The following GABBR2 variants were observed in gnomAD, a reference collection of about 807,000 sequenced individuals.
GABBR2 encodes the protein G-protein coupled receptor 51.
In GABBR2, 23 loss-of-function variants were observed where a neutral mutation model predicts 105.6. The observed-to-expected ratio is 0.22, with a 90% CI of 0.16 to 0.31. The LOEUF is 0.31. Among genes scored for constraint, GABBR2 ranks in the 10% least tolerant of loss-of-function variants. The pLI, the probability that GABBR2 is intolerant of heterozygous loss-of-function variation, is 1.00. For synonymous variants in GABBR2, 478 were observed against 499.7 expected (o/e 0.96, Z 0.58); for missense variants, 734 against 1,245.5 (o/e 0.59, Z 6.18).
At chr9:98,416,677 G>C (rs996863235) in intron 7 of GABBR2, among the ~76,000 whole-genome samples, 14 of 152,202 alleles carry the variant, frequency 9.2e-5, no homozygotes, top group African/African-American at 3.4e-4. Flanking sequence ...CAGAATACTA[G>C]CTGTGCAGGG....
chr9:98,303,134 A>G (rs1830495502), intron 16 of GABBR2, 107 bp downstream of exon 16: 2 of 821,034 alleles, frequency 2.4e-6, no homozygotes, highest in Admixed American at 5.5e-5. Flanking sequence ...ATGAGACTGC[A>G]CGGTCATGCT....
At chr9:98,294,557 C>A (rs1015788862) in intron 17 of GABBR2, among the ~76,000 whole-genome samples, 1 of 151,696 alleles carries the variant, frequency 6.6e-6, no homozygotes, top group Non-Finnish European at 1.5e-5. Context: ...TGGCTCACTG[C>A]AACTTCCACC....
At chr9:98,624,244 G>A (rs1829704518) in intron 1 of GABBR2, among the ~76,000 whole-genome samples, 4 of 152,242 alleles carry the variant, frequency 2.6e-5, no homozygotes, top group African/African-American at 7.2e-5. Context: ...CACAGGCAGC[G>A]TGCACAGGAA....
At chr9:98,322,229 C>T (rs186673768) in intron 13 of GABBR2, among the ~76,000 whole-genome samples, 126 of 152,264 alleles carry the variant, frequency 8.3e-4, no homozygotes, top group African/African-American at 1.4e-3. Context: ...CTCCCTTAAA[C>T]CTGCTGTTCC....
At chr9:98,388,000 G>A (rs754888958) in intron 10 of GABBR2, among the ~76,000 whole-genome samples, 38 of 152,178 alleles carry the variant, frequency 2.5e-4, no homozygotes, top group Non-Finnish European at 4.7e-4. Context: ...CCATGTAGGT[G>A]GTCACTGTGG....
rs1588163866 is a variant in GABBR2 at position 98,442,971 on chromosome 9, TA to T, written c.1236+11009del. 2.0e-5 allele frequency among the ~76,000 whole-genome samples: 3 copies of T among 152,342 alleles called. No homozygotes were observed. The East Asian group carries it at 5.8e-4, about 29-fold the overall frequency. On this transcript the variant is annotated intron_variant, in intron 7 of 18. Transcript: ENST00000259455. The stretch of plus-strand genomic sequence containing the variant: ...TAACTAATCACATCTGTAACAACCC[TA>T]TTTCCAAATAAGGTCACATTCTGAG...
chr9:98,506,506 C>T (rs543952740), intron 3 of GABBR2, among the ~76,000 whole-genome samples: 7 of 152,248 alleles, frequency 4.6e-5, no homozygotes, highest in South Asian at 2.1e-4. Context: ...GAGGCAACTT[C>T]GCAAGGGCTG....
At chr9:98,497,353 A>C (rs1760595527) in intron 3 of GABBR2, among the ~76,000 whole-genome samples, 3 of 152,188 alleles carry the variant, frequency 2.0e-5, no homozygotes, top group Admixed American at 2.0e-4. Flanking sequence ...CTGATTTTTG[A>C]GGGGAGAAAT....
intron 7 of GABBR2, among the ~76,000 whole-genome samples, chr9:98,411,878 AATCCC>A (rs1212546556): frequency 9.9e-5 from 15 of 152,156 alleles, no homozygotes; most frequent in Non-Finnish European, 1.5e-5. Flanking sequence ...CCGGCTGCAA[AATCCC>A]ATCTGATGTC....
At chr9:98,439,029 C>G (rs1477318244) in intron 7 of GABBR2, among the ~76,000 whole-genome samples, 1 of 152,140 alleles carries the variant, frequency 6.6e-6, no homozygotes, top group African/African-American at 2.4e-5. Flanking sequence ...CCTTGTCATA[C>G]GTGTGCCACC....
At chr9:98,349,060 G>T (rs1434906483) in intron 13 of GABBR2, among the ~76,000 whole-genome samples, 1 of 152,094 alleles carries the variant, frequency 6.6e-6, no homozygotes, top group East Asian at 1.9e-4. Context: ...TTAGCTGTAG[G>T]TTTGTCATAG....
At position 98,436,331 on chromosome 9, in the gene GABBR2, TACAC is replaced by T. The variant is rs371477170; in HGVS notation, c.1236+17646_1236+17649del. ...CATAAATATACCATATATATATATA[TACAC>T]ACACACACACACCATATATATATAT... On this transcript the variant is annotated intron_variant, in intron 7 of 18. Transcript: ENST00000259455. 1.0e-3 allele frequency among the ~76,000 whole-genome samples: 27 copies of T among 26,284 alleles called. 2 individuals are homozygous for T. The highest frequency in any genetic ancestry group is 4.2e-3 in the African/African-American group (23 of 5,448). The allele number at this position is 26,284 out of a possible 152,430, so 17.2% of individuals were successfully genotyped here. A position where few individuals can be genotyped will look rare whatever the true frequency, so the allele number is the denominator to read the frequency against.
intron 2 of GABBR2, among the ~76,000 whole-genome samples, chr9:98,571,715 C>G (rs761814908): frequency 2.0e-5 from 3 of 152,182 alleles, no homozygotes; most frequent in African/African-American, 7.2e-5. Context: ...TCCCCAACAG[C>G]AGGCCTGGCT....
intron 1 of GABBR2, among the ~76,000 whole-genome samples, chr9:98,578,276 C>T (rs974257570): frequency 5.3e-5 from 8 of 152,110 alleles, no homozygotes; most frequent in Admixed American, 1.3e-4. Context: ...TCTCTGCTCC[C>T]GCTAAGTGCC....
intron 13 of GABBR2, among the ~76,000 whole-genome samples, chr9:98,328,865 G>A (rs1202004061): frequency 6.6e-6 from 1 of 152,150 alleles, no homozygotes; most frequent in East Asian, 1.9e-4. Context: ...GGGTATGGTG[G>A]GTAGCAAGGT....
chr9:98,680,968 T>G (rs1564149919), intron 1 of GABBR2, among the ~76,000 whole-genome samples: 1 of 152,168 alleles, frequency 6.6e-6, no homozygotes, highest in African/African-American at 2.4e-5. Context: ...ATTAACATAG[T>G]AAAGAGTTAA....
chr9:98,633,499 C>T (rs1564136432), intron 1 of GABBR2, among the ~76,000 whole-genome samples: 1 of 151,754 alleles, frequency 6.6e-6, no homozygotes, highest in Non-Finnish European at 1.5e-5. Flanking sequence ...GTGGCGTGCA[C>T]CTGTAATCCC....
At chr9:98,316,749 C>T (rs182281465) in intron 13 of GABBR2, among the ~76,000 whole-genome samples, 4 of 152,224 alleles carry the variant, frequency 2.6e-5, no homozygotes, top group Non-Finnish European at 5.9e-5. Context: ...ATGATGTGCT[C>T]ACTGCTGGGT....
At position 98,306,697 on chromosome 9, in the gene GABBR2, T is replaced by C. The variant is rs1211608080; in HGVS notation, c.2005-352A>G. On this transcript the variant is annotated intron_variant, in intron 14 of 18. Transcript: ENST00000259455. The surrounding 1 kb of genome is among the most constrained non-coding windows in gnomAD (Gnocchi z 5.4). ...TAGGGAATACTAATATCCAGAAGGGTGAAGAGGTCTGCCCAAGGCCGCACA... is the reference window on the plus strand; with the variant it reads ...TAGGGAATACTAATATCCAGAAGGGCGAAGAGGTCTGCCCAAGGCCGCACA... The C allele has an allele frequency of 3.2e-6, 1 of 314,542 alleles. No individual in the cohort carries two copies. Among genetic ancestry groups the C allele is most frequent in the Non-Finnish European group, 6.0e-6 (1 of 165,842 alleles). The allele number at this position is 314,542 out of a possible 1,614,324, so 19.5% of individuals were successfully genotyped here.
Sources: gnomAD v4.1 joint callset for allele counts (sites outside exome capture counted in the v4.1 genomes callset) on GRCh38, gnomAD v4.1.1 for gene constraint, Gnocchi (gnomAD v3.1) non-coding constraint, MANE v1.5 for transcripts, NCBI Gene and HGNC (gene_info 2026-07-23, HGNC 2026-07-21) for gene names.